GABRG3: variants seen among roughly 807,000 people sequenced by gnomAD.
GABRG3 encodes gamma-aminobutyric acid type A receptor subunit gamma3, also known as gamma-aminobutyric acid receptor subunit gamma-3.
In GABRG3, 25 loss-of-function variants were observed where a neutral mutation model predicts 48.8. The observed-to-expected ratio is 0.51, with a 90% CI of 0.37 to 0.72. The LOEUF is 0.72. GABRG3 is among the 30% of genes least tolerant of loss of function. The pLI is 0.00. For synonymous variants in GABRG3, 227 were observed against 217.6 expected, an observed-to-expected ratio of 1.04 and a Z score of -0.38; for missense variants, 394 against 577.9, an observed-to-expected ratio of 0.68 and a Z score of 3.26.
intron 5 of GABRG3, among the ~76,000 whole-genome samples, chr15:27,345,690 G>T (rs1444979448): frequency 6.6e-6 from 1 of 152,096 alleles, no homozygotes; most frequent in Non-Finnish European, 1.5e-5. Flanking sequence ...TCTTCTGCAT[G>T]ATTAAATTCT....
chr15:27,159,255 G>A (rs938349140), intron 3 of GABRG3, among the ~76,000 whole-genome samples: 1 of 152,084 alleles, frequency 6.6e-6, no homozygotes, highest in Non-Finnish European at 1.5e-5. Context: ...TACGAGGCAG[G>A]TGAATCACTT....
intron 3 of GABRG3, among the ~76,000 whole-genome samples, chr15:27,028,412 C>T (rs1047913749): frequency 3.9e-5 from 6 of 152,142 alleles, no homozygotes; most frequent in Non-Finnish European, 8.8e-5. Flanking sequence ...AGTTAAGGGT[C>T]GGACCTCAGC....
chr15:27,435,905 C>T (rs1050837987), intron 5 of GABRG3, among the ~76,000 whole-genome samples: 2 of 152,132 alleles, frequency 1.3e-5, no homozygotes, highest in African/African-American at 4.8e-5. Context: ...TGCTCTATTC[C>T]CTGGGCTCTG....
intron 3 of GABRG3, among the ~76,000 whole-genome samples, chr15:27,068,519 T>C (rs1025930782): frequency 6.6e-6 from 1 of 152,242 alleles, no homozygotes; most frequent in Non-Finnish European, 1.5e-5. Context: ...AGGAAACTTT[T>C]GGCAATGTTT....
At chr15:27,102,876 C>T (rs1897385429) in intron 3 of GABRG3, among the ~76,000 whole-genome samples, 1 of 152,170 alleles carries the variant, frequency 6.6e-6, no homozygotes, top group African/African-American at 2.4e-5. Context: ...GTACCACCGG[C>T]ATTAAAAACT....
At chr15:27,383,300 A>C (rs62001349) in intron 5 of GABRG3, among the ~76,000 whole-genome samples, 8,940 of 152,224 alleles carry the variant, frequency 0.059, 387 homozygotes, top group Non-Finnish European at 0.092. Flanking sequence ...TTTTCTATCA[A>C]ATTACCAAAG....
At chr15:27,255,810 G>A (rs972853795) in intron 3 of GABRG3, among the ~76,000 whole-genome samples, 10 of 152,182 alleles carry the variant, frequency 6.6e-5, no homozygotes, top group African/African-American at 2.4e-4. Context: ...GGGTGGGCAG[G>A]TTCTGGGGAT....
chr15:27,514,270 T>C (rs1890967489), intron 6 of GABRG3, among the ~76,000 whole-genome samples: 1 of 152,220 alleles, frequency 6.6e-6, no homozygotes, highest in South Asian at 2.1e-4. Context: ...ACAAAACACA[T>C]TTATGACCTT....
intron 3 of GABRG3, among the ~76,000 whole-genome samples, chr15:27,306,974 TATATAATATAA>T (rs1566769543): frequency 2.2e-5 from 1 of 44,750 alleles, no homozygotes; most frequent in African/African-American, 6.2e-5. Flanking sequence ...TATATAAACA[TATATAATATAA>T]ACATGTTTAT....
intron 3 of GABRG3, among the ~76,000 whole-genome samples, chr15:27,190,870 G>C (rs1360067073): frequency 6.6e-6 from 1 of 151,976 alleles, no homozygotes; most frequent in African/African-American, 2.4e-5. Context: ...ATTTAGTGCT[G>C]TAAATTTCCC....
At position 27,179,228 on chromosome 15, in the gene GABRG3, T is replaced by C. The variant is rs1056960735; in HGVS notation, c.271-147581T>C. 2.0e-5 allele frequency among the ~76,000 whole-genome samples: 3 copies of C among 152,224 alleles called. No homozygotes were observed. The highest frequency in any genetic ancestry group is 7.2e-5 in the African/African-American group (3 of 41,470). On this transcript the variant is annotated intron_variant, in intron 3 of 9. Transcript: ENST00000615808. This position sits in a 1 kb window ranked among gnomAD's most constrained non-coding sequence, Gnocchi z 4.0. ...AAATATTGCTTACTCCTATCATCAATGCATTGCCGTGATTTGCCATTTCAA... is the reference window on the plus strand; with the variant it reads ...AAATATTGCTTACTCCTATCATCAACGCATTGCCGTGATTTGCCATTTCAA...
chr15:27,251,337 G>A (rs543043907), intron 3 of GABRG3, among the ~76,000 whole-genome samples: 76 of 152,140 alleles, frequency 5.0e-4, no homozygotes, highest in African/African-American at 1.7e-3. Flanking sequence ...CCAAGGTGAC[G>A]GTCAGCCAGG....
chr15:27,010,244 C>A (rs984967188), intron 2 of GABRG3, among the ~76,000 whole-genome samples: 2 of 152,172 alleles, frequency 1.3e-5, no homozygotes, highest in Admixed American at 6.5e-5. Flanking sequence ...CTGTGTGCCA[C>A]CCCTCCTCCA....
chr15:27,525,135 C>T (rs994838523), intron 7 of GABRG3, among the ~76,000 whole-genome samples: 3 of 151,184 alleles, frequency 2.0e-5, no homozygotes, highest in East Asian at 1.9e-4. Flanking sequence ...AACAAACTAT[C>T]GATGAAGCAG....
At chr15:27,451,462 A>G (rs191873029) in intron 5 of GABRG3, among the ~76,000 whole-genome samples, 1 of 152,270 alleles carries the variant, frequency 6.6e-6, no homozygotes, top group African/African-American at 2.4e-5. Context: ...TCAATAAACG[A>G]TGTTGGGAAA....
intron 3 of GABRG3, among the ~76,000 whole-genome samples, chr15:27,289,654 C>T (rs945462253): frequency 3.3e-5 from 5 of 152,052 alleles, no homozygotes; most frequent in African/African-American, 1.2e-4. Context: ...TACCACTGTA[C>T]AGTATACAAG....
intron 3 of GABRG3, among the ~76,000 whole-genome samples, chr15:27,046,836 A>C (rs1201929631): frequency 6.6e-6 from 1 of 152,220 alleles, no homozygotes; most frequent in East Asian, 1.9e-4. Flanking sequence ...GGTAGAATAT[A>C]ATCAGGCACA....
In GABRG3 at chr15:27,022,707, C is replaced by T. The variant is rs80204882; in HGVS notation, c.203-4047C>T. Among the ~76,000 whole-genome samples the T allele has an allele frequency of 9.6e-3, 1,458 of 152,298 alleles. 23 individuals carry two copies. The highest frequency in any genetic ancestry group is 0.033 in the African/African-American group (1,370 of 41,578). On this transcript the variant is annotated intron_variant, in intron 2 of 9. Coordinates refer to ENST00000615808, the MANE Select transcript of GABRG3 (RefSeq NM_033223.5). ...AGGTGCATCCACAGACAGACCCGCCCGGCCCTGCATTCCTTCCCCAGCAAG... is the reference window on the plus strand; with the variant it reads ...AGGTGCATCCACAGACAGACCCGCCTGGCCCTGCATTCCTTCCCCAGCAAG...
intron 5 of GABRG3, among the ~76,000 whole-genome samples, chr15:27,354,472 G>A (rs906966258): frequency 7.2e-5 from 11 of 152,120 alleles, no homozygotes; most frequent in Admixed American, 1.3e-4. Context: ...GGCACCACCC[G>A]TCCCCAATCT....
Sources: allele counts gnomAD v4.1 joint callset (sites outside exome capture counted in the v4.1 genomes callset), GRCh38; gene constraint gnomAD v4.1.1; non-coding constraint Gnocchi (gnomAD v3.1); transcripts MANE v1.5; gene names NCBI Gene and HGNC (gene_info 2026-07-23, HGNC 2026-07-21).